Variants in OPA3 observed in about 807,000 individuals in gnomAD.
The protein encoded by OPA3 is optic atrophy 3 protein.
OPA3 carries 6 observed loss-of-function variants against 4.0 expected under a neutral mutation model. The ratio of observed to expected loss-of-function variants is 1.51; its 90% confidence interval spans 0.83 to 2.99. The LOEUF (loss-of-function observed/expected upper bound fraction) is 2.99, where lower values mean the gene tolerates loss of function less well. OPA3 is among the 30% of genes most tolerant of loss of function. The pLI is 0.00. For synonymous variants in OPA3, 105 were observed against 117.1 expected (o/e 0.90, Z 0.67); for missense variants, 235 against 256.2 (o/e 0.92, Z 0.56).
chr19:45,540,508 C>CCAAGA (rs1969172756), intron 1 of OPA3, among the ~76,000 whole-genome samples: 7 of 145,868 alleles, frequency 4.8e-5, no homozygotes, highest in Non-Finnish European at 7.5e-5. Flanking sequence ...CTGCAGTGAG[C>CCAAGA]TGTGACTGCA....
At chr19:45,570,213 C>T (rs1047154837) in intron 1 of OPA3, among the ~76,000 whole-genome samples, 4 of 152,190 alleles carry the variant, frequency 2.6e-5, no homozygotes, top group African/African-American at 9.7e-5. Flanking sequence ...GTTCAGAAAT[C>T]GGCCAGAAGA....
At chr19:45,527,810 C>T (rs1021588844) in exon 2 of OPA3, 7 of 152,174 alleles carry the variant, frequency 4.6e-5, no homozygotes, top group Admixed American at 1.3e-4. Context: ...AAAACGCTGA[C>T]AGTCGATTTA....
chr19:45,566,768 C>T (rs993236661), intron 1 of OPA3, among the ~76,000 whole-genome samples: 2 of 152,164 alleles, frequency 1.3e-5, no homozygotes, highest in African/African-American at 4.8e-5. Context: ...GCCACCGCAC[C>T]TGGCTCAGCC....
chr19:45,555,820 G>A (rs931302587), intron 1 of OPA3, among the ~76,000 whole-genome samples: 4 of 152,012 alleles, frequency 2.6e-5, no homozygotes, highest in Non-Finnish European at 2.9e-5. Context: ...AATAGAGATG[G>A]GGTTTATCAG....
At position 45,550,482 on chromosome 19, in the gene OPA3, C is replaced by T. The variant is rs1341535408; in HGVS notation, c.*3032G>A. On this transcript the variant is annotated 3_prime_UTR_variant, in exon 2 of 2. Transcript: ENST00000263275. Reference sequence around the variant, plus strand: ...TGGGCCTCTGTGTAGAGATCGTCACCCTCCCAGCCTCTGCTCAGCCATCGC... The same window carrying T: ...TGGGCCTCTGTGTAGAGATCGTCACTCTCCCAGCCTCTGCTCAGCCATCGC... 4 of 982,542 alleles carry T rather than the reference C, an allele frequency of 4.1e-6. No homozygotes were observed. The highest frequency in any genetic ancestry group is 4.7e-5 in the South Asian group (1 of 21,114). The allele number at this position is 982,542 out of a possible 1,614,324, so 60.9% of individuals were successfully genotyped here. A position where few individuals can be genotyped will look rare whatever the true frequency, so the allele number is the denominator to read the frequency against.
At chr19:45,554,110 G>C (rs1231834927) in intron 1 of OPA3, among the ~76,000 whole-genome samples, 199 bp from the exon 2 acceptor site, 1 of 152,178 alleles carries the variant, frequency 6.6e-6, no homozygotes, top group African/African-American at 2.4e-5. Context: ...CGCCCCAAGA[G>C]GGACACCAGG....
At chr19:45,559,615 C>A (rs1969475434) in intron 1 of OPA3, among the ~76,000 whole-genome samples, 1 of 151,784 alleles carries the variant, frequency 6.6e-6, no homozygotes, top group African/African-American at 2.4e-5. Flanking sequence ...GTTGACCAGG[C>A]TGGTCTCGAA....
chr19:45,568,892 G>A (rs1969621380), intron 1 of OPA3, among the ~76,000 whole-genome samples: 1 of 152,080 alleles, frequency 6.6e-6, no homozygotes, highest in Admixed American at 6.6e-5. Flanking sequence ...TCACTAGGCA[G>A]GTAACTAATA....
intron 1 of OPA3, among the ~76,000 whole-genome samples, chr19:45,579,247 A>C (rs1406774636): frequency 6.6e-6 from 1 of 152,016 alleles, no homozygotes; most frequent in Non-Finnish European, 1.5e-5. Flanking sequence ...TTGAGATGGA[A>C]TCTCACTCTG....
downstream of OPA3, among the ~76,000 whole-genome samples, chr19:45,542,655 C>CTGTTTTTT: frequency 4.4e-5 from 6 of 137,494 alleles, no homozygotes; most frequent in African/African-American, 1.6e-4. Flanking sequence ...CAGTACTTCA[C>CTGTTTTTT]TGTTTTTTTG....
intron 1 of OPA3, among the ~76,000 whole-genome samples, chr19:45,572,767 C>CTATATATATCATACTATATATAGA (rs71173183): frequency 1.1e-4 from 12 of 114,114 alleles, no homozygotes; most frequent in Admixed American, 4.7e-4. Context: ...CGATATATAT[C>CTATATATATCATACTATATATAGA]TATATATATC....
rs1250438584 is a variant in OPA3, at chr19:45,549,895, C to T, written c.*3619G>A. 12 of 984,736 alleles carry T rather than the reference C, an allele frequency of 1.2e-5. No homozygotes were observed. The highest frequency in any genetic ancestry group is 9.4e-5 in the South Asian group (2 of 21,278). 61.0% of individuals were successfully genotyped at this position (984,736 alleles called of 1,614,324 possible). A position where few individuals can be genotyped will look rare whatever the true frequency, so the allele number is the denominator to read the frequency against. On this transcript the variant is annotated 3_prime_UTR_variant, in exon 2 of 2. Transcript: ENST00000263275. ...GTTTCAGGCCAGGCGCGGTGGCTCA[C>T]GCCTGTAATCCCAGCACTTTGGGAG...
Position 45,576,546 on chromosome 19 carries a change from CCA to C in OPA3, c.142+8075_142+8076del, listed in dbSNP as rs1491444524. On this transcript the variant is annotated intron_variant, in intron 1 of 1. Coordinates refer to ENST00000263275, the MANE Select transcript of OPA3 (RefSeq NM_025136.4). ...AGAATGAAACTCCATCCCCCCCCCC[CCA>C]AAAAAAAAAGTCCAAAATGGCTTTC... 6.6e-3 allele frequency among the ~76,000 whole-genome samples: 902 copies of C among 136,348 alleles called. 2 individuals are homozygous for C. The highest frequency in any genetic ancestry group is 9.5e-3 in the Non-Finnish European group (583 of 61,536). 89.4% of individuals were successfully genotyped at this position (136,348 alleles called of 152,430 possible). A position where few individuals can be genotyped will look rare whatever the true frequency, so the allele number is the denominator to read the frequency against.
chr19:45,537,729 T>A (rs956194561), intron 1 of OPA3, among the ~76,000 whole-genome samples: 2 of 152,002 alleles, frequency 1.3e-5, no homozygotes, highest in African/African-American at 4.8e-5. Context: ...GCCCTCCGGT[T>A]TCAAGCGATT....
chr19:45,538,406 G>C (rs1969146625), intron 1 of OPA3, among the ~76,000 whole-genome samples: 1 of 152,136 alleles, frequency 6.6e-6, no homozygotes, highest in South Asian at 2.1e-4. Flanking sequence ...GGGCAAAAGA[G>C]TGAGTCCCTA....
intron 1 of OPA3, among the ~76,000 whole-genome samples, chr19:45,538,100 CAAAAA>C (rs1178598021): frequency 2.6e-5 from 1 of 38,176 alleles, no homozygotes; most frequent in Non-Finnish European, 5.3e-5. Flanking sequence ...GGCTCCATAT[CAAAAA>C]AAAAAAAAAA....
chr19:45,533,053 G>T (rs914938461), intron 1 of OPA3, among the ~76,000 whole-genome samples: 1 of 61,322 alleles, frequency 1.6e-5, no homozygotes, highest in African/African-American at 8.2e-5. Context: ...CACCATGCCC[G>T]GATATTTTTG....
Position 45,578,400 on chromosome 19 carries a change from G to A in OPA3, c.142+6223C>T, listed in dbSNP as rs1044342385. On this transcript the variant is annotated intron_variant, in intron 1 of 1. Transcript: ENST00000263275. ...AATTGGCTCATCTGATCTTGTGCCCGCCCTCCCCCTCCCCCACCGCCACCC... is the reference window on the plus strand; with the variant it reads ...AATTGGCTCATCTGATCTTGTGCCCACCCTCCCCCTCCCCCACCGCCACCC... 1.7e-4 allele frequency among the ~76,000 whole-genome samples: 13 copies of A among 77,650 alleles called. No individual in the cohort carries two copies. The East Asian group carries it at 3.5e-3, about 21-fold the overall frequency. The allele number at this position is 77,650 out of a possible 152,430, so 50.9% of individuals were successfully genotyped here.
At chr19:45,578,947 C>T (rs1043542994) in intron 1 of OPA3, among the ~76,000 whole-genome samples, 2 of 152,228 alleles carry the variant, frequency 1.3e-5, no homozygotes, top group Non-Finnish European at 2.9e-5. Flanking sequence ...GACCCACAGG[C>T]CCCATACAAA....
Sources: allele counts gnomAD v4.1 joint callset (sites outside exome capture counted in the v4.1 genomes callset), GRCh38; gene constraint gnomAD v4.1.1; transcripts MANE v1.5; gene names NCBI Gene and HGNC (gene_info 2026-07-23, HGNC 2026-07-21).